Variants in BTBD7 observed in about 807,000 individuals in gnomAD.
The protein encoded by BTBD7 is BTB domain containing 7.
BTBD7 carries 38 observed loss-of-function variants against 99.9 expected under a neutral mutation model. That is an observed-to-expected ratio of 0.38 (90% confidence interval 0.29 to 0.50). The LOEUF (loss-of-function observed/expected upper bound fraction) is 0.50, where lower values mean the gene tolerates loss of function less well. BTBD7 is among the 20% of genes least tolerant of loss of function. The probability of loss-of-function intolerance (pLI) is 0.93; values close to 1 mark genes in which losing one functional copy is unlikely to be tolerated. For synonymous variants in BTBD7, 520 were observed against 511.4 expected (o/e 1.02, Z -0.23); for missense variants, 1,170 against 1,394.6 (o/e 0.84, Z 2.57).
chr14:93,271,462 G>A (rs940295050), intron 3 of BTBD7, among the ~76,000 whole-genome samples: 4 of 152,142 alleles, frequency 2.6e-5, no homozygotes, highest in Non-Finnish European at 4.4e-5. Context: ...GAGGAGGGCC[G>A]GCCTTAGACT....
At chr14:93,309,836 C>T (rs193130004) in intron 1 of BTBD7, among the ~76,000 whole-genome samples, 5 of 152,194 alleles carry the variant, frequency 3.3e-5, no homozygotes, top group Non-Finnish European at 5.9e-5. Context: ...GTTTTTCCTT[C>T]CTTTGCAGGA....
chr14:93,306,345 C>G (rs970789), intron 1 of BTBD7, among the ~76,000 whole-genome samples: 58,108 of 151,280 alleles, frequency 0.38, 12,323 homozygotes, highest in African/African-American at 0.58. Flanking sequence ...CGGTGGCTCA[C>G]GCCTATAATC....
rs11308931 is a variant in BTBD7 at position 93,309,408 on chromosome 14, G to GA, written c.-106-13252dup. 5.3e-3 allele frequency among the ~76,000 whole-genome samples: 670 copies of GA among 127,044 alleles called. 6 individuals are homozygous for GA. The highest frequency in any genetic ancestry group is 0.014 in the African/African-American group (491 of 34,458). 83.3% of individuals were successfully genotyped at this position (127,044 alleles called of 152,430 possible). On this transcript the variant is annotated intron_variant, in intron 1 of 10. Transcript: ENST00000334746. The stretch of plus-strand genomic sequence containing the variant: ...AAGGGCAAAACTCCTCTGTCTCCAA[G>GA]AAAAAAAAAAAAAAAAGAGTAAAAT...
intron 5 of BTBD7, among the ~76,000 whole-genome samples, chr14:93,259,147 C>T (rs1053311522): frequency 5.3e-5 from 8 of 152,192 alleles, no homozygotes; most frequent in African/African-American, 1.2e-4. Flanking sequence ...CTGGGTACAA[C>T]ATTTTTGTCC....
intron 3 of BTBD7, among the ~76,000 whole-genome samples, chr14:93,280,255 G>C (rs2052703344): frequency 6.6e-6 from 1 of 152,168 alleles, no homozygotes; most frequent in African/African-American, 2.4e-5. Flanking sequence ...AAAAGATTTA[G>C]AAAAACAAGG....
intron 4 of BTBD7, 72 bp from the exon 5 acceptor site, chr14:93,261,749 G>A (rs1321283520): frequency 8.0e-6 from 9 of 1,125,774 alleles, no homozygotes; most frequent in Admixed American, 7.4e-5. Flanking sequence ...AGGACTTTTC[G>A]TAGGTGGGAA....
At chr14:93,245,785 T>A (rs767519544) in intron 10 of BTBD7, 40 bp downstream of exon 10, 16 of 1,579,406 alleles carry the variant, frequency 1.0e-5, no homozygotes, top group East Asian at 2.2e-5. Context: ...TAATTCTCCA[T>A]AAACCGAATT....
chr14:93,272,741 G>A lies in BTBD7; in HGVS notation c.1163-8748C>T, dbSNP rs546788770. Reference sequence around the variant, plus strand: ...AAAACTGAGTGTCAGATATAAGGGCGAGAAGACAAGTCAACCTGCGCCTCA... The same window carrying A: ...AAAACTGAGTGTCAGATATAAGGGCAAGAAGACAAGTCAACCTGCGCCTCA... On this transcript the variant is annotated intron_variant, in intron 3 of 10. Coordinates refer to ENST00000334746, the MANE Select transcript of BTBD7 (RefSeq NM_001002860.4). 3.2e-4 allele frequency among the ~76,000 whole-genome samples: 49 copies of A among 152,314 alleles called. No homozygotes were observed. The South Asian group carries it at 4.8e-3, about 15-fold the overall frequency.
At chr14:93,298,649 T>G (rs919663208) in intron 1 of BTBD7, among the ~76,000 whole-genome samples, 1 of 152,134 alleles carries the variant, frequency 6.6e-6, no homozygotes, top group Non-Finnish European at 1.5e-5. Flanking sequence ...TCAACGTGTA[T>G]TACAATGGTT....
intron 1 of BTBD7, among the ~76,000 whole-genome samples, chr14:93,317,965 C>T (rs546048919): frequency 2.6e-4 from 40 of 152,330 alleles, no homozygotes; most frequent in Admixed American, 1.1e-3. Context: ...ATGCATCCTA[C>T]GCGGCTTCAC....
At chr14:93,250,486 T>C (rs943152777) in intron 8 of BTBD7, among the ~76,000 whole-genome samples, 2 of 152,238 alleles carry the variant, frequency 1.3e-5, no homozygotes, top group Admixed American at 1.3e-4. Context: ...AGAAAGTCAT[T>C]AGCTCCAGAA....
At chr14:93,303,877 G>GTT (rs1175056413) in intron 1 of BTBD7, among the ~76,000 whole-genome samples, 2 of 152,218 alleles carry the variant, frequency 1.3e-5, no homozygotes, top group Admixed American at 6.5e-5. Flanking sequence ...GACAATGGGA[G>GTT]TCGCTTATTC....
At position 93,294,855 on chromosome 14, in the gene BTBD7, G is replaced by A. The variant is rs1315228922; in HGVS notation, c.165C>T (p.Asp55=). 2 of 1,613,274 alleles carry A rather than the reference G, an allele frequency of 1.2e-6. No individual in the cohort carries two copies. The highest frequency in any genetic ancestry group is 2.7e-5 in the African/African-American group (2 of 74,688). ...CAAGACCAGAGGTTCTCTTTTTTTT[G>A]TCTTGTGGTTTCTCATGGCCATGGT... ...SLDHGHEKPQ[D]KKKRTSGLAT... is the part of the protein sequence containing the mutation. Residue 55 remains aspartate (D), a synonymous_variant, in exon 3 of 11, where the codon GAC becomes GAT. Coordinates refer to ENST00000334746, the MANE Select transcript of BTBD7 (RefSeq NM_001002860.4).
At chr14:93,298,672 C>T (rs932334288) in intron 1 of BTBD7, among the ~76,000 whole-genome samples, 1 of 151,616 alleles carries the variant, frequency 6.6e-6, no homozygotes, top group South Asian at 2.1e-4. Context: ...ATACTTAAAC[C>T]ATGTCAAAAA....
In BTBD7 at chr14:93,257,243, C is replaced by T. The variant is rs2052440323; in HGVS notation, c.1560G>A (p.Val520=). The T allele has an allele frequency of 6.2e-7, 1 of 1,614,138 alleles. No individual in the cohort carries two copies. Among genetic ancestry groups the T allele is most frequent in the Non-Finnish European group, 8.5e-7 (1 of 1,180,002 alleles). ...TTATAGGTAAGATGTGTTCAATTCG[C>T]ACAAAAGGTAAGAGAGAAGAAAGGA... is the stretch of plus-strand genomic sequence containing the variant. ...REILSSLLPF[V]RIEHILPINS... Residue 520 remains valine (V), a synonymous_variant, in exon 6 of 11, where the codon GTG becomes GTA. Coordinates refer to ENST00000334746, the MANE Select transcript of BTBD7 (RefSeq NM_001002860.4).
intron 1 of BTBD7, among the ~76,000 whole-genome samples, chr14:93,306,440 TAAAA>T (rs10717168): frequency 7.9e-6 from 1 of 126,904 alleles, no homozygotes; most frequent in South Asian, 2.5e-4. Flanking sequence ...CATCTCTCTT[TAAAA>T]AAAAAAAAAA....
chr14:93,308,803 C>T (rs927903484), intron 1 of BTBD7, among the ~76,000 whole-genome samples: 40 of 152,208 alleles, frequency 2.6e-4, no homozygotes, highest in African/African-American at 9.4e-4. Context: ...TAATCAAATT[C>T]ATAGAGACAG....
rs140876364 is a variant in BTBD7 at position 93,290,236 on chromosome 14, G to A, written c.1162+3622C>T. On this transcript the variant is annotated intron_variant, in intron 3 of 10. Coordinates refer to ENST00000334746, the MANE Select transcript of BTBD7 (RefSeq NM_001002860.4). ...TTTAATTTTTTTTTTTTTTTGAGAC[G>A]CAGTCTCACTCCGTCGCCCAGGTTG... is the stretch of plus-strand genomic sequence containing the variant. Among the ~76,000 whole-genome samples the A allele has an allele frequency of 3.6e-3, 529 of 147,018 alleles. 11 individuals carry two copies. In the South Asian group the frequency reaches 0.053, roughly 15 times the overall value.
In BTBD7 at chr14:93,248,581, C is replaced by T. The variant is rs1234977308; in HGVS notation, c.2016G>A (p.Arg672=). 1 of 1,614,060 alleles carries T rather than the reference C, an allele frequency of 6.2e-7. No individual in the cohort carries two copies. Among genetic ancestry groups the T allele is most frequent in the East Asian group, 2.2e-5 (1 of 44,888 alleles). The change falls in exon 9 of 11, where the codon AGG becomes AGA. Residue 672 remains arginine, a synonymous_variant. Transcript: ENST00000334746. ...CTTCCCCGCAGTTCAGGGCATAGGC[C>T]CTCTGCACCTGCTCCGTGTGCCGCA... ...QELRHTEQVQ[R]AYALNCGEGA...
Sources: gnomAD v4.1 joint callset for allele counts (sites outside exome capture counted in the v4.1 genomes callset) on GRCh38, gnomAD v4.1.1 for gene constraint, MANE v1.5 for transcripts, NCBI Gene and HGNC (gene_info 2026-07-23, HGNC 2026-07-21) for gene names.